Variants in TEX14 observed in about 807,000 individuals in gnomAD.
The protein encoded by TEX14 is testis expressed 14, intercellular bridge forming factor.
TEX14 carries 168 observed loss-of-function variants against 178.6 expected under a neutral mutation model. The ratio of observed to expected loss-of-function variants is 0.94; its 90% CI spans 0.83 to 1.07. TEX14 has a LOEUF of 1.07. Ranked by LOEUF, TEX14 falls within the 50% of genes least tolerant of loss-of-function variation. The probability of loss-of-function intolerance (pLI) is 0.00; values close to 1 mark genes in which losing one functional copy is unlikely to be tolerated. For synonymous variants in TEX14, 626 were observed against 634.1 expected (o/e 0.99, Z 0.19); for missense variants, 1,730 against 1,753.6 (o/e 0.99, Z 0.24).
chr17:58,620,973 G>A (rs1227307544), intron 5 of TEX14, among the ~76,000 whole-genome samples: 1 of 152,168 alleles, frequency 6.6e-6, no homozygotes, highest in East Asian at 1.9e-4. Context: ...ACAGGACAAG[G>A]AAGCCTGCAA....
chr17:58,590,881 G>GTT (rs763729214), intron 15 of TEX14, among the ~76,000 whole-genome samples: 8 of 145,222 alleles, frequency 5.5e-5, no homozygotes, highest in Admixed American at 1.4e-4. Flanking sequence ...AGTTTACAGG[G>GTT]TTTTTTTTTT....
chr17:58,612,483 C>T (rs1485940752), intron 9 of TEX14, among the ~76,000 whole-genome samples: 2 of 151,794 alleles, frequency 1.3e-5, no homozygotes, highest in Admixed American at 1.3e-4. Context: ...GCCTGAAATC[C>T]CAGCACTTTA....
chr17:58,587,771 G>A (rs2045013954), intron 16 of TEX14, 105 bp from the exon 17 acceptor site: 2 of 1,149,184 alleles, frequency 1.7e-6, no homozygotes, highest in East Asian at 2.3e-5. Flanking sequence ...CCCATCCAGA[G>A]GACCTGTTCC....
Position 58,599,565 on chromosome 17 carries a change from G to A in TEX14, c.1780C>T (p.Gln594Ter). Residue 594 changes from glutamine to a stop codon, truncating the protein, a stop_gained, in exon 14 of 32, where the codon CAA becomes TAA. Transcript: ENST00000349033. LOFTEE classifies it high-confidence loss of function. ...PCLMARETQN[Q>*]DAPCPAPFMA... is the part of the protein sequence containing the mutation. ...AATGGAGCAGGGCAAGGAGCATCTT[G>A]ATTCTGAGTCTCCCTGGCCATCAGA... The A allele has an allele frequency of 1.2e-6, 2 of 1,614,034 alleles. No individual in the cohort carries two copies. Among genetic ancestry groups the A allele is most frequent in the Non-Finnish European group, 1.7e-6 (2 of 1,180,010 alleles).
intron 2 of TEX14, among the ~76,000 whole-genome samples, chr17:58,637,437 G>C (rs2046460290): frequency 6.6e-6 from 1 of 152,138 alleles, no homozygotes; most frequent in Non-Finnish European, 1.5e-5. Flanking sequence ...GAGAGGGTTG[G>C]GACTCTTAGC....
At chr17:58,583,456 G>T (rs937423057) in intron 19 of TEX14, among the ~76,000 whole-genome samples, 2 of 151,926 alleles carry the variant, frequency 1.3e-5, no homozygotes, top group African/African-American at 4.8e-5. Flanking sequence ...TTGTAGGCAG[G>T]GTCATACTAT....
chr17:58,642,137 G>C (rs1196070809), intron 2 of TEX14, among the ~76,000 whole-genome samples: 1 of 152,218 alleles, frequency 6.6e-6, no homozygotes, highest in African/African-American at 2.4e-5. Context: ...TCTAGGAAAA[G>C]TTAGCACCAA....
intron 1 of TEX14, among the ~76,000 whole-genome samples, chr17:58,677,118 T>A (rs1187077774): frequency 4.3e-4 from 30 of 69,096 alleles, no homozygotes; most frequent in African/African-American, 1.6e-3. Flanking sequence ...AAACTCCGTC[T>A]CAAAAAAAAA....
intron 5 of TEX14, among the ~76,000 whole-genome samples, chr17:58,619,834 G>A (rs1353870565): frequency 6.7e-6 from 1 of 150,370 alleles, no homozygotes; most frequent in Non-Finnish European, 1.5e-5. Context: ...GAAGAGGAGT[G>A]TATTTCCATG....
chr17:58,563,696 G>C (rs2044333286), intron 28 of TEX14, among the ~76,000 whole-genome samples: 1 of 22,756 alleles, frequency 4.4e-5, no homozygotes, highest in African/African-American at 1.6e-4. Context: ...GAGAGAGAGA[G>C]AGAGAGCGCA....
chr17:58,564,505 G>A (rs1441444904), intron 28 of TEX14, among the ~76,000 whole-genome samples: 2 of 152,182 alleles, frequency 1.3e-5, no homozygotes, highest in Non-Finnish European at 2.9e-5. Flanking sequence ...GGTGGCCAGG[G>A]TGTGGGAAGA....
chr17:58,600,343 G>C (rs2045400584), intron 13 of TEX14, among the ~76,000 whole-genome samples: 1 of 150,656 alleles, frequency 6.6e-6, no homozygotes, highest in Non-Finnish European at 1.5e-5. Context: ...AACCAACATG[G>C]TGACCAACAT....
rs775001904 is a variant in TEX14 at position 58,561,597 on chromosome 17, CAGAGT to C, written c.4075_4079del (p.Thr1359GlyfsTer2). The C allele has an allele frequency of 3.7e-6, 6 of 1,613,082 alleles. No individual in the cohort carries two copies. In the East Asian group the frequency reaches 8.9e-5, roughly 24 times the overall value. On this transcript the variant is annotated frameshift_variant, in exon 29 of 32. Coordinates refer to ENST00000349033, the MANE Select transcript of TEX14 (RefSeq NM_031272.5). LOFTEE classifies it high-confidence loss of function. ...GCAGCCATCTTTCCAGGTCCTCATC[CAGAGT>C]AGAGTGAGCTCTGTTTAAGGACAAG...
At chr17:58,655,988 C>T (rs2046949969) in intron 1 of TEX14, among the ~76,000 whole-genome samples, 1 of 152,136 alleles carries the variant, frequency 6.6e-6, no homozygotes, top group Non-Finnish European at 1.5e-5. Context: ...ACTCCTGGGC[C>T]CTTTGGGTCT....
intron 1 of TEX14, among the ~76,000 whole-genome samples, chr17:58,652,554 G>A (rs1430146963): frequency 6.6e-6 from 1 of 152,142 alleles, no homozygotes; most frequent in Non-Finnish European, 1.5e-5. Flanking sequence ...AGAACTATGA[G>A]TCAATTACAC....
chr17:58,659,265 T>G (rs1200179770), intron 1 of TEX14: 3 of 835,478 alleles, frequency 3.6e-6, no homozygotes, highest in African/African-American at 3.7e-5. Flanking sequence ...GAAAAACACT[T>G]TATCAGGACC....
chr17:58,662,639 T>TC (rs1347280991), intron 1 of TEX14, among the ~76,000 whole-genome samples: 2 of 152,114 alleles, frequency 1.3e-5, no homozygotes, highest in Non-Finnish European at 2.9e-5. Flanking sequence ...AGGTGTGCTG[T>TC]CCTAAGACAT....
intron 1 of TEX14, chr17:58,659,461 AATTTCTC>A: frequency 3.1e-6 from 1 of 320,374 alleles, no homozygotes; most frequent in Non-Finnish European, 4.5e-6. Context: ...TTCGCTAGAA[AATTTCTC>A]CCGCGAAGAA....
chr17:58,599,397 C>T lies in TEX14; in HGVS notation c.1948G>A (p.Gly650Arg), dbSNP rs755744260. 14 of 1,614,078 alleles carry T rather than the reference C, an allele frequency of 8.7e-6. No homozygotes were observed. The highest frequency in any genetic ancestry group is 1.7e-5 in the Admixed American group (1 of 59,992). The change falls in exon 14 of 32, where the codon GGA (glycine) becomes AGA (arginine). Residue 650 changes from glycine to arginine, a missense_variant. Transcript: ENST00000349033. ...TTCAGTTCATCTACCTGGTTAGGTC[C>T]GTCTGCCTCCAAAGATGAAGCAGCT... The part of the protein sequence containing the change: ...PGAASSLEAD[G>R]PNQVDELKSM...
Sources: gnomAD v4.1 joint callset for allele counts (sites outside exome capture counted in the v4.1 genomes callset) on GRCh38, gnomAD v4.1.1 for gene constraint, MANE v1.5 for transcripts, NCBI Gene and HGNC (gene_info 2026-07-23, HGNC 2026-07-21) for gene names.